The following TMEM272 variants were observed in gnomAD, a reference collection of about 807,000 sequenced individuals.
TMEM272 encodes the protein long intergenic non-protein coding RNA 282.
In TMEM272, 8 loss-of-function variants were observed where a neutral mutation model predicts 3.7. The ratio of observed to expected loss-of-function variants is 2.17; its 90% CI spans 1.27 to 3.91. TMEM272 has a LOEUF of 3.91. Ranked by LOEUF, TMEM272 falls within the 30% of genes most tolerant of loss-of-function variation. TMEM272 has a pLI of 0.00. For missense variants in TMEM272, 166 were observed against 91.5 expected (o/e 1.81, Z -3.32); for synonymous variants, 63 against 39.8 (o/e 1.58, Z -2.20).
the TMEM272 span, among the ~76,000 whole-genome samples, chr13:51,861,259 A>C: frequency 6.6e-6 from 1 of 152,180 alleles, no homozygotes; most frequent in Non-Finnish European, 1.5e-5. Context: ...GATATATAGG[A>C]TAAATAATTT....
chr13:51,915,131 A>G, the TMEM272 span, among the ~76,000 whole-genome samples: 1 of 152,258 alleles, frequency 6.6e-6, no homozygotes, highest in African/African-American at 2.4e-5. Flanking sequence ...TGTTTTTATC[A>G]ACCAATACAC....
chr13:51,821,749 A>G (rs2139553632), intron 4 of TMEM272, among the ~76,000 whole-genome samples: 1 of 148,492 alleles, frequency 6.7e-6, no homozygotes, highest in African/African-American at 2.5e-5. Flanking sequence ...TCACTGGCTG[A>G]ATTCAATGGT....
chr13:51,895,230 G>A, the TMEM272 span, among the ~76,000 whole-genome samples: 1 of 152,188 alleles, frequency 6.6e-6, no homozygotes, highest in African/African-American at 2.4e-5. Context: ...AAGGAACTTG[G>A]GTCAGCCTGG....
intron 1 of TMEM272, among the ~76,000 whole-genome samples, chr13:51,839,060 G>A (rs935196798): frequency 6.6e-6 from 1 of 151,974 alleles, no homozygotes; most frequent in Admixed American, 6.6e-5. Context: ...GAGCAAGGGC[G>A]CCCTCACTTC....
the TMEM272 span, among the ~76,000 whole-genome samples, chr13:51,921,904 CTG>C: frequency 5.3e-5 from 8 of 152,186 alleles, no homozygotes; most frequent in South Asian, 2.1e-4. Flanking sequence ...TCCCCACCCA[CTG>C]TGTGCGTGTG....
chr13:51,871,044 G>GC, the TMEM272 span, among the ~76,000 whole-genome samples: 1 of 151,832 alleles, frequency 6.6e-6, no homozygotes, highest in African/African-American at 2.4e-5. Flanking sequence ...CTCCCGCCTG[G>GC]CCCCCTCCCC....
the TMEM272 span, among the ~76,000 whole-genome samples, chr13:51,866,493 TCTC>T: frequency 6.6e-5 from 10 of 152,064 alleles, no homozygotes; most frequent in Non-Finnish European, 1.5e-4. Context: ...GGAGGTCACT[TCTC>T]CTTCACTTGG....
At chr13:51,901,848 A>G in the TMEM272 span, among the ~76,000 whole-genome samples, 1 of 152,126 alleles carries the variant, frequency 6.6e-6, no homozygotes, top group South Asian at 2.1e-4. Context: ...CAGAAGCCCC[A>G]TTGGGTGTGT....
intron 4 of TMEM272, among the ~76,000 whole-genome samples, chr13:51,818,405 G>A (rs1157881594): frequency 6.6e-6 from 1 of 152,198 alleles, no homozygotes; most frequent in African/African-American, 2.4e-5. Flanking sequence ...GAAATGCAGG[G>A]TCTAGTGGCC....
the TMEM272 span, among the ~76,000 whole-genome samples, chr13:51,908,064 A>G: frequency 6.6e-6 from 1 of 152,256 alleles, no homozygotes; most frequent in African/African-American, 2.4e-5. Context: ...ATTCCTATTT[A>G]AATCATCCTT....
the TMEM272 span, chr13:51,908,838 G>T: frequency 1.4e-6 from 2 of 1,436,248 alleles, no homozygotes; most frequent in East Asian, 4.6e-5. Flanking sequence ...CTGTTCCCAC[G>T]GAGGTGACAG....
At chr13:51,885,791 G>C in the TMEM272 span, among the ~76,000 whole-genome samples, 1 of 152,168 alleles carries the variant, frequency 6.6e-6, no homozygotes, top group African/African-American at 2.4e-5. Context: ...CTCTGGTCTT[G>C]TGGAATTGAA....
At chr13:51,864,088 TTCCC>T in the TMEM272 span, among the ~76,000 whole-genome samples, 1 of 149,184 alleles carries the variant, frequency 6.7e-6, no homozygotes, top group South Asian at 2.2e-4. Context: ...CCTCCCTTCC[TTCCC>T]TCCCTTCCTT....
At chr13:51,903,262 G>A in the TMEM272 span, among the ~76,000 whole-genome samples, 1 of 152,168 alleles carries the variant, frequency 6.6e-6, no homozygotes, top group Non-Finnish European at 1.5e-5. Flanking sequence ...TACTCACTAA[G>A]TCCCAAAAAG....
chr13:51,876,706 A>G, the TMEM272 span, among the ~76,000 whole-genome samples: 1 of 152,158 alleles, frequency 6.6e-6, no homozygotes, highest in Admixed American at 6.5e-5. Context: ...TGGTGTGTAA[A>G]TTTGTAATTA....
the TMEM272 span, among the ~76,000 whole-genome samples, chr13:51,886,650 A>C: frequency 6.6e-6 from 1 of 152,230 alleles, no homozygotes. Flanking sequence ...TTCTTACTTC[A>C]AGTTATACTT....
At chr13:51,884,674 TTGAACCC>T in the TMEM272 span, among the ~76,000 whole-genome samples, 1 of 152,178 alleles carries the variant, frequency 6.6e-6, no homozygotes, top group Admixed American at 6.5e-5. Flanking sequence ...CTTCCCAAGT[TTGAACCC>T]TGACTCTTCC....
chr13:51,908,174 A>C, the TMEM272 span: 1 of 617,290 alleles, frequency 1.6e-6, no homozygotes, highest in Non-Finnish European at 3.0e-6. Context: ...TGAAAATGAG[A>C]ATAGTCAAAA....
chr13:51,838,897 A>G (rs1464110666), intron 1 of TMEM272, among the ~76,000 whole-genome samples: 3 of 152,080 alleles, frequency 2.0e-5, no homozygotes, highest in African/African-American at 7.2e-5. Context: ...AGGTCATCTC[A>G]TATTTAATCC....
Sources: allele counts gnomAD v4.1 joint callset (sites outside exome capture counted in the v4.1 genomes callset), GRCh38; gene constraint gnomAD v4.1.1; transcripts MANE v1.5; gene names NCBI Gene and HGNC (gene_info 2026-07-23, HGNC 2026-07-21).